Variants in FNIP2 observed in about 807,000 individuals in gnomAD.
The protein encoded by FNIP2 is folliculin interacting protein 2, also known as folliculin-interacting protein 2.
In FNIP2, 32 loss-of-function variants were observed where a neutral mutation model predicts 108.7. The observed-to-expected ratio is 0.29, with a 90% CI of 0.22 to 0.40. The LOEUF is 0.40. FNIP2 is among the 10% of genes least tolerant of loss of function. The pLI is 1.00. For synonymous variants in FNIP2, 480 were observed against 496.7 expected (o/e 0.97, Z 0.45); for missense variants, 1,202 against 1,381.6 (o/e 0.87, Z 2.06).
intron 14 of FNIP2, among the ~76,000 whole-genome samples, chr4:158,886,421 G>T (rs1782027863): frequency 6.6e-6 from 1 of 152,282 alleles, no homozygotes; most frequent in East Asian, 1.9e-4. Context: ...ACCCAATTAA[G>T]TTTCTGTGGG....
chr4:158,789,498 A>C (rs1295038308), intron 1 of FNIP2, among the ~76,000 whole-genome samples: 1 of 152,174 alleles, frequency 6.6e-6, no homozygotes, highest in Non-Finnish European at 1.5e-5. Flanking sequence ...GATGTTTCTG[A>C]TGTGTGCTCT....
intron 12 of FNIP2, among the ~76,000 whole-genome samples, chr4:158,863,665 T>C (rs923371161): frequency 6.6e-5 from 10 of 152,200 alleles, no homozygotes; most frequent in Admixed American, 5.9e-4. Context: ...TATAATAGAA[T>C]AGAAAATATC....
At chr4:158,867,382 G>A (rs908822157) in intron 12 of FNIP2, among the ~76,000 whole-genome samples, 8 of 151,994 alleles carry the variant, frequency 5.3e-5, no homozygotes, top group South Asian at 4.1e-4. Context: ...GGGTAGAGAC[G>A]GGGTTTTGCC....
At chr4:158,778,281 T>A (rs1775923549) in intron 1 of FNIP2, among the ~76,000 whole-genome samples, 1 of 152,234 alleles carries the variant, frequency 6.6e-6, no homozygotes, top group African/African-American at 2.4e-5. Flanking sequence ...TTTCACTTTC[T>A]GCTGTCAACC....
intron 1 of FNIP2, among the ~76,000 whole-genome samples, chr4:158,802,381 T>C (rs565102045): frequency 9.3e-5 from 14 of 150,248 alleles, no homozygotes; most frequent in Non-Finnish European, 1.6e-4. Flanking sequence ...GAGGGATTCT[T>C]TTTTTTTTTC....
At chr4:158,792,965 C>T (rs1776469240) in intron 1 of FNIP2, among the ~76,000 whole-genome samples, 1 of 152,084 alleles carries the variant, frequency 6.6e-6, no homozygotes, top group Non-Finnish European at 1.5e-5. Context: ...AGGAAGTTAT[C>T]AAGGGACTGG....
intron 14 of FNIP2, among the ~76,000 whole-genome samples, chr4:158,873,946 T>C (rs1264712147): frequency 6.6e-6 from 1 of 152,234 alleles, no homozygotes; most frequent in Non-Finnish European, 1.5e-5. Flanking sequence ...TGAGTAGCCT[T>C]TTCCCTCTCC....
At chr4:158,851,532 A>G in intron 8 of FNIP2, 82 bp downstream of exon 8, 1 of 1,528,888 alleles carries the variant, frequency 6.5e-7, no homozygotes, top group Non-Finnish European at 8.8e-7. Flanking sequence ...GTTCGTGCCT[A>G]TTGTCAGTGG....
chr4:158,849,876 T>C (rs1779605102), intron 7 of FNIP2, among the ~76,000 whole-genome samples: 1 of 151,518 alleles, frequency 6.6e-6, no homozygotes, highest in Non-Finnish European at 1.5e-5. Flanking sequence ...CCGTTATGGG[T>C]ACAATGGATG....
intron 12 of FNIP2, among the ~76,000 whole-genome samples, chr4:158,863,323 A>T (rs943431192): frequency 6.6e-6 from 1 of 152,264 alleles, no homozygotes; most frequent in African/African-American, 2.4e-5. Flanking sequence ...AAGTCACAGT[A>T]AACATGAAAA....
chr4:158,825,803 T>C (rs1778122093), intron 1 of FNIP2, 113 bp from the exon 2 acceptor site: 1 of 1,297,582 alleles, frequency 7.7e-7, no homozygotes. Flanking sequence ...TAGCCCTGCA[T>C]GCTTGTGGCC....
At position 158,875,515 on chromosome 4, in the gene FNIP2, G is replaced by GATATATATATATATATAT. The variant is rs56389652; in HGVS notation, c.2949+5055_2949+5072dup. On this transcript the variant is annotated intron_variant, in intron 14 of 16. Coordinates refer to ENST00000264433, the MANE Select transcript of FNIP2 (RefSeq NM_020840.3). Reference sequence around the variant, plus strand: ...AGAGCTTTGCTAAAAGCCTGGCTGTGATATATATATATATATATATATATA... The same window carrying GATATATATATATATATAT: ...AGAGCTTTGCTAAAAGCCTGGCTGTGATATATATATATATATATATATATATATATATATATATATATA... 8.8e-3 allele frequency among the ~76,000 whole-genome samples: 979 copies of GATATATATATATATATAT among 111,846 alleles called. 43 individuals carry two copies. The highest frequency in any genetic ancestry group is 0.024 in the South Asian group (85 of 3,486). 73.4% of individuals were successfully genotyped at this position (111,846 alleles called of 152,430 possible).
In FNIP2 at chr4:158,861,649, G is replaced by C; in HGVS notation, c.1338G>C (p.Leu446=). The change falls in exon 12 of 17, where the codon CTG becomes CTC. Residue 446 remains leucine (L), a synonymous_variant. Coordinates refer to ENST00000264433, the MANE Select transcript of FNIP2 (RefSeq NM_020840.3). ...TGACTGCGGTGTTAACCTACCACCTGGCCTGGGTCCCAACTGTCATGCCTG... is the reference window on the plus strand; with the variant it reads ...TGACTGCGGTGTTAACCTACCACCTCGCCTGGGTCCCAACTGTCATGCCTG... ...ALLTAVLTYH[L]AWVPTVMPVD... 1 of 1,613,996 alleles carries C rather than the reference G, an allele frequency of 6.2e-7. No homozygotes were observed. Among genetic ancestry groups the C allele is most frequent in the Non-Finnish European group, 8.5e-7 (1 of 1,179,892 alleles).
intron 1 of FNIP2, among the ~76,000 whole-genome samples, chr4:158,771,779 G>A (rs1775707082): frequency 6.6e-6 from 1 of 152,160 alleles, no homozygotes; most frequent in Admixed American, 6.5e-5. Context: ...TTTAGAGTTT[G>A]TATATCTTCT....
At chr4:158,904,013 T>C (rs1237380057) in intron 16 of FNIP2, among the ~76,000 whole-genome samples, 2 of 152,242 alleles carry the variant, frequency 1.3e-5, no homozygotes, top group Admixed American at 6.5e-5. Flanking sequence ...AAATTCCCAA[T>C]GTTTTTTAAG....
chr4:158,821,280 A>G (rs1356793639), intron 1 of FNIP2, among the ~76,000 whole-genome samples: 7 of 152,264 alleles, frequency 4.6e-5, no homozygotes, highest in African/African-American at 1.2e-4. Context: ...CCTGATGCCA[A>G]GGACAGTGTT....
Position 158,861,497 on chromosome 4 carries a change from C to T in FNIP2, c.1295+9C>T, listed in dbSNP as rs553701717. 4.6e-5 allele frequency: 74 copies of T among 1,613,908 alleles called. 1 individual carries two copies. The South Asian group carries it at 7.9e-4, about 17-fold the overall frequency. On this transcript the variant is annotated intron_variant, in intron 11 of 16. Transcript: ENST00000264433. ...CAGATAAATAAAAACCAGTAAGCTT[C>T]AACTCTCTGGAGACTTGTATGCAAA...
At chr4:158,891,406 C>A (rs1393811643) in intron 14 of FNIP2, 40 bp from the exon 15 acceptor site, 1 of 1,547,118 alleles carries the variant, frequency 6.5e-7, no homozygotes, top group Non-Finnish European at 8.8e-7. Context: ...TTTGGACTCA[C>A]CTGGATAAAT....
intron 1 of FNIP2, among the ~76,000 whole-genome samples, chr4:158,825,195 C>T (rs1560779562): frequency 1.3e-5 from 2 of 152,274 alleles, no homozygotes; most frequent in East Asian, 3.9e-4. Context: ...AAGCAGTGCA[C>T]TTTTAAATGA....
Sources: gnomAD v4.1 joint callset for allele counts (sites outside exome capture counted in the v4.1 genomes callset) on GRCh38, gnomAD v4.1.1 for gene constraint, MANE v1.5 for transcripts, NCBI Gene and HGNC (gene_info 2026-07-23, HGNC 2026-07-21) for gene names.